FER: variants seen among roughly 807,000 people sequenced by gnomAD.
The protein encoded by FER is tyrosine-protein kinase Fer.
Under a neutral mutation model 111.0 loss-of-function variants are expected in FER, and 63 were observed. The observed-to-expected ratio is 0.57, with a 90% CI of 0.46 to 0.70. The LOEUF (loss-of-function observed/expected upper bound fraction) is 0.70, where lower values mean the gene tolerates loss of function less well. FER is among the 30% of genes least tolerant of loss of function. The pLI is 0.00. For synonymous variants in FER, 327 were observed against 313.9 expected (o/e 1.04, Z -0.44); for missense variants, 914 against 954.0 (o/e 0.96, Z 0.55).
At chr5:108,970,674 G>A (rs1760526096) in intron 13 of FER, among the ~76,000 whole-genome samples, 1 of 152,100 alleles carries the variant, frequency 6.6e-6, no homozygotes, top group African/African-American at 2.4e-5. Flanking sequence ...GAAAAAATTG[G>A]CTGGGAATGG....
intron 13 of FER, among the ~76,000 whole-genome samples, chr5:108,991,863 C>CT (rs78556057): frequency 2.1e-4 from 30 of 146,088 alleles, no homozygotes; most frequent in East Asian, 1.4e-3. Context: ...TTTGTATTTT[C>CT]TTTTTTTTTT....
Position 109,189,440 on chromosome 5 carries a change from T to G in FER, c.*1865T>G, listed in dbSNP as rs1177236607. 1 of 152,212 alleles carries G rather than the reference T, an allele frequency of 6.6e-6. No individual in the cohort carries two copies. The highest frequency in any genetic ancestry group is 1.9e-4 in the East Asian group (1 of 5,200). 9.4% of individuals were successfully genotyped at this position (152,212 alleles called of 1,614,324 possible). A position where few individuals can be genotyped will look rare whatever the true frequency, so the allele number is the denominator to read the frequency against. On this transcript the variant is annotated 3_prime_UTR_variant, in exon 20 of 20. Transcript: ENST00000281092. ...GAACTCACACCAGTACTTTAGAGTA[T>G]GAAAGATAATACTGAAGAGAAAAGT...
At chr5:108,950,632 AT>A (rs1463452104) in intron 11 of FER, among the ~76,000 whole-genome samples, 1 of 152,160 alleles carries the variant, frequency 6.6e-6, no homozygotes, top group African/African-American at 2.4e-5. Flanking sequence ...ATTTTTCATT[AT>A]TTTAAGATTA....
chr5:109,079,977 A>G (rs114416476), intron 16 of FER, among the ~76,000 whole-genome samples: 9 of 152,246 alleles, frequency 5.9e-5, no homozygotes, highest in African/African-American at 2.2e-4. Context: ...TGATTTCACT[A>G]TGCTCTACAT....
intron 17 of FER, among the ~76,000 whole-genome samples, chr5:109,152,541 T>C (rs1372548923): frequency 6.6e-6 from 1 of 151,976 alleles, no homozygotes; most frequent in African/African-American, 2.4e-5. Context: ...TGGAAAAGTA[T>C]TGAATTATGA....
chr5:108,934,406 G>A (rs927900290), intron 10 of FER, among the ~76,000 whole-genome samples: 2 of 152,228 alleles, frequency 1.3e-5, no homozygotes, highest in Admixed American at 6.5e-5. Flanking sequence ...TGTAAAAAAT[G>A]TGATAGAATA....
intron 17 of FER, among the ~76,000 whole-genome samples, chr5:109,109,645 T>G (rs192522178): frequency 2.0e-5 from 3 of 152,238 alleles, no homozygotes; most frequent in Admixed American, 1.3e-4. Context: ...CCACAGCATC[T>G]CAGGGGGACC....
intron 17 of FER, among the ~76,000 whole-genome samples, chr5:109,162,129 G>A (rs528092371): frequency 1.3e-4 from 20 of 151,850 alleles, no homozygotes; most frequent in Non-Finnish European, 2.2e-4. Flanking sequence ...TTTCTTAGTG[G>A]TCTAAAATAT....
intron 17 of FER, among the ~76,000 whole-genome samples, chr5:109,176,670 A>G (rs1020790876): frequency 5.3e-5 from 8 of 152,236 alleles, no homozygotes; most frequent in Admixed American, 6.5e-5. Flanking sequence ...GATGATAGAT[A>G]TGCTCATTAC....
Position 108,867,835 on chromosome 5 carries a change from C to G in FER, c.550C>G (p.Gln184Glu), listed in dbSNP as rs1436436837. Residue 184 changes from glutamine (Q) to glutamate (E), a missense_variant, in exon 6 of 20, where the codon CAG (glutamine) becomes GAG (glutamate). By Grantham distance (29) the Gln-to-Glu change is conservative (BLOSUM62 2). Transcript: ENST00000281092. ...AATGAAACTTCATATGTTGCACAAT[C>G]AGTATGTATTGGCGTTGAAAGGGGC... ...ATMKLHMLHN[Q>E]YVLALKGAQL... 6.2e-7 allele frequency: 1 copy of G among 1,612,616 alleles called. No individual in the cohort carries two copies. The highest frequency in any genetic ancestry group is 8.5e-7 in the Non-Finnish European group (1 of 1,179,444).
chr5:109,085,314 T>A (rs995021994), intron 16 of FER, among the ~76,000 whole-genome samples: 1 of 151,734 alleles, frequency 6.6e-6, no homozygotes, highest in Non-Finnish European at 1.5e-5. Flanking sequence ...AAGTATTTTG[T>A]TATTTGTGGT....
chr5:109,032,954 C>T (rs1045184613), intron 13 of FER, among the ~76,000 whole-genome samples: 1 of 152,100 alleles, frequency 6.6e-6, no homozygotes, highest in Non-Finnish European at 1.5e-5. Flanking sequence ...GCTTCAAGAT[C>T]AGGGAAATTT....
intron 10 of FER, among the ~76,000 whole-genome samples, chr5:108,945,350 T>A (rs1756841975): frequency 6.6e-6 from 1 of 151,988 alleles, no homozygotes; most frequent in Non-Finnish European, 1.5e-5. Context: ...TAGTTTTGGT[T>A]TTTTTTCCTT....
chr5:109,142,334 A>C (rs1753612466), intron 17 of FER, among the ~76,000 whole-genome samples: 1 of 152,146 alleles, frequency 6.6e-6, no homozygotes, highest in Non-Finnish European at 1.5e-5. Flanking sequence ...TCTGACCCTA[A>C]TTCCCTTCTC....
At chr5:108,871,323 A>G (rs753564187) in intron 6 of FER, 42 bp from the exon 7 acceptor site, 7 of 1,555,270 alleles carry the variant, frequency 4.5e-6, no homozygotes, top group South Asian at 3.5e-5. Flanking sequence ...ATCTCTCTTG[A>G]TAAAACTTTA....
chr5:108,846,516 A>G (rs189876415), intron 5 of FER, among the ~76,000 whole-genome samples: 50 of 152,214 alleles, frequency 3.3e-4, no homozygotes, highest in African/African-American at 1.1e-3. Flanking sequence ...TCCATTTCAT[A>G]TAAGTTATAG....
intron 13 of FER, among the ~76,000 whole-genome samples, chr5:109,032,681 A>T (rs1769812171): frequency 6.6e-6 from 1 of 152,140 alleles, no homozygotes; most frequent in Non-Finnish European, 1.5e-5. Context: ...AATAAGTATT[A>T]TTTGCTTAGG....
At chr5:108,778,975 A>G (rs1753769873) in intron 2 of FER, among the ~76,000 whole-genome samples, 1 of 146,498 alleles carries the variant, frequency 6.8e-6, no homozygotes, top group Non-Finnish European at 1.5e-5. Flanking sequence ...TTTTGAGTTA[A>G]TTTTTGTGAA....
chr5:108,763,122 T>G (rs1380086661), intron 1 of FER, among the ~76,000 whole-genome samples: 1 of 152,184 alleles, frequency 6.6e-6, no homozygotes, highest in African/African-American at 2.4e-5. Flanking sequence ...CATAGTAGGC[T>G]TTCAGCAAAT....
Sources: gnomAD v4.1 joint callset for allele counts (sites outside exome capture counted in the v4.1 genomes callset) on GRCh38, gnomAD v4.1.1 for gene constraint, MANE v1.5 for transcripts, NCBI Gene and HGNC (gene_info 2026-07-23, HGNC 2026-07-21) for gene names.